Variants in TRIM9 observed in about 807,000 individuals in gnomAD.
TRIM9 encodes the protein E3 ubiquitin-protein ligase TRIM9.
TRIM9 carries 26 observed loss-of-function variants against 78.3 expected under a neutral mutation model. The observed-to-expected ratio is 0.33, with a 90% CI of 0.24 to 0.46. The LOEUF (loss-of-function observed/expected upper bound fraction) is 0.46. TRIM9 is among the 20% of genes least tolerant of loss of function. TRIM9 has a pLI of 1.00. For synonymous variants in TRIM9, 398 were observed against 416.5 expected (o/e 0.96, Z 0.54); for missense variants, 787 against 1,036.4 (o/e 0.76, Z 3.30).
rs11845592 is a variant in TRIM9, at chr14:50,992,848, A to G, written c.1603+5202T>C. Among the ~76,000 whole-genome samples the G allele has an allele frequency of 9.3e-3, 1,419 of 152,330 alleles. 21 individuals are homozygous for G. Among genetic ancestry groups the G allele is most frequent in the African/African-American group, 0.033 (1,359 of 41,566 alleles). On this transcript the variant is annotated intron_variant, in intron 7 of 12. Coordinates refer to ENST00000684578, the MANE Select transcript of TRIM9 (RefSeq NM_001387360.1). ...CATTGTCTAGGCCCACTTTTTAGAAAGCAGTTTTTAAGATGTAGTTTCAAG... is the reference window on the plus strand; with the variant it reads ...CATTGTCTAGGCCCACTTTTTAGAAGGCAGTTTTTAAGATGTAGTTTCAAG...
intron 3 of TRIM9, among the ~76,000 whole-genome samples, chr14:51,011,983 T>C: frequency 6.6e-6 from 1 of 152,230 alleles, no homozygotes; most frequent in East Asian, 1.9e-4. Context: ...TCTCTTATTA[T>C]TGGGCATTAA....
At chr14:50,992,643 C>A (rs1390261252) in intron 7 of TRIM9, among the ~76,000 whole-genome samples, 1 of 152,070 alleles carries the variant, frequency 6.6e-6, no homozygotes, top group Non-Finnish European at 1.5e-5. Context: ...TGGACAGATG[C>A]ATCTGAGGCC....
At chr14:51,029,521 G>A (rs2058549239) in intron 1 of TRIM9, among the ~76,000 whole-genome samples, 1 of 152,218 alleles carries the variant, frequency 6.6e-6, no homozygotes, top group African/African-American at 2.4e-5. Flanking sequence ...CCGCCAAGGA[G>A]AATAACAGTT....
intron 1 of TRIM9, among the ~76,000 whole-genome samples, chr14:51,049,412 A>C (rs2060211582): frequency 6.6e-6 from 1 of 152,218 alleles, no homozygotes; most frequent in African/African-American, 2.4e-5. Context: ...TTTCAGGCAC[A>C]TCTACTACAG....
At chr14:51,039,305 T>TTG (rs2059403249) in intron 1 of TRIM9, among the ~76,000 whole-genome samples, 1 of 152,222 alleles carries the variant, frequency 6.6e-6, no homozygotes, top group Admixed American at 6.5e-5. Flanking sequence ...CAACTCTATG[T>TTG]GATAGCATAT....
chr14:50,982,269 A>G lies in TRIM9; in HGVS notation c.1859-166T>C, dbSNP rs138724439. 1.2e-3 allele frequency: 880 copies of G among 708,314 alleles called. 8 individuals are homozygous for G. The African/African-American group carries it at 0.013, about 10-fold the overall frequency. The allele number at this position is 708,314 out of a possible 1,614,324, so 43.9% of individuals were successfully genotyped here. On this transcript the variant is annotated intron_variant, in intron 10 of 12. Transcript: ENST00000684578. Reference sequence around the variant, plus strand: ...ACAGGGGCACGTCCTGGGAGTTGGTACTCTCTGCACCAGAAGCAGACGGAG... The same window carrying G: ...ACAGGGGCACGTCCTGGGAGTTGGTGCTCTCTGCACCAGAAGCAGACGGAG...
At chr14:50,982,191 G>C in intron 10 of TRIM9, 88 bp from the exon 11 acceptor site, 2 of 1,486,586 alleles carry the variant, frequency 1.3e-6, no homozygotes. Flanking sequence ...GAGGAGCGTT[G>C]TGTAGCGTTT....
intron 8 of TRIM9, among the ~76,000 whole-genome samples, chr14:50,985,386 C>T (rs1180219774): frequency 6.6e-6 from 1 of 152,240 alleles, no homozygotes; most frequent in African/African-American, 2.4e-5. Context: ...TAGCAGTGAG[C>T]ACAGGCTTTT....
At chr14:51,079,581 A>T (rs1025965992) in intron 1 of TRIM9, among the ~76,000 whole-genome samples, 1 of 152,212 alleles carries the variant, frequency 6.6e-6, no homozygotes, top group African/African-American at 2.4e-5. Context: ...CAGGTTATTG[A>T]GCAAGTGCAT....
chr14:51,087,025 A>G (rs1296163919), intron 1 of TRIM9, among the ~76,000 whole-genome samples: 1 of 151,330 alleles, frequency 6.6e-6, no homozygotes, highest in African/African-American at 2.4e-5. Context: ...GGGTGGGGGG[A>G]GGTGGCGGGC....
Position 50,981,989 on chromosome 14 carries a change from C to A in TRIM9, c.1973G>T (p.Gly658Val). 2.5e-6 allele frequency: 4 copies of A among 1,614,168 alleles called. No homozygotes were observed. The highest frequency in any genetic ancestry group is 3.4e-6 in the Non-Finnish European group (4 of 1,180,016). ...CCAGTAGTGGATGCCCTTGGAGAAG[C>A]CAGTCTTCCCTAGCACCACCCGGTC... is the stretch of plus-strand genomic sequence containing the variant. ...YDDRVVLGKT[G>V]FSKGIHYWEL... Residue 658 changes from glycine to valine, a missense_variant, in exon 11 of 13, where the codon GGC (glycine) becomes GTC (valine). By Grantham distance (109) the Gly-to-Val change is moderately radical (BLOSUM62 -3). Coordinates refer to ENST00000684578, the MANE Select transcript of TRIM9 (RefSeq NM_001387360.1).
In TRIM9 at chr14:51,011,872, A is replaced by T. The variant is rs546251739; in HGVS notation, c.1042-1378T>A. ...GACAATTTTACCTTCCCTTTCCCCC[A>T]ACTTAATACTGTATCACAGGCAGTT... is the stretch of plus-strand genomic sequence containing the variant. On this transcript the variant is annotated intron_variant, in intron 3 of 12. Transcript: ENST00000684578. 4.6e-5 allele frequency among the ~76,000 whole-genome samples: 7 copies of T among 152,270 alleles called. No homozygotes were observed. In the South Asian group the frequency reaches 1.5e-3, roughly 32 times the overall value.
At position 51,094,444 on chromosome 14, in the gene TRIM9, G is replaced by C; in HGVS notation, c.496C>G (p.Leu166Val). 3.1e-6 allele frequency: 5 copies of C among 1,613,938 alleles called. No individual in the cohort carries two copies. The highest frequency in any genetic ancestry group is 1.1e-5 in the South Asian group (1 of 91,070). Residue 166 changes from leucine (L) to valine (V), a missense_variant, in exon 1 of 13, where the codon CTC becomes GTC. Physicochemically the swap from Leu to Val is conservative, Grantham distance 32. Transcript: ENST00000684578. ...GCCTTCTCGCAGAGCTGGCACTTGA[G>C]GGCCGCGGCTTTGCTCTGCTGGTAG... ...DRYQQSKAAALKCQLCEKAPK... is the reference protein window; with the variant it reads ...DRYQQSKAAAVKCQLCEKAPK...
At chr14:51,022,799 G>C (rs746322616) in intron 3 of TRIM9, 36 bp downstream of exon 3, 7 of 1,611,992 alleles carry the variant, frequency 4.3e-6, no homozygotes, top group South Asian at 1.1e-5. Flanking sequence ...AGCCTGGCTT[G>C]TTGGCTTTCT....
chr14:51,069,952 TCATGGTCATTCAC>T (rs2062070974), intron 1 of TRIM9, among the ~76,000 whole-genome samples: 1 of 152,240 alleles, frequency 6.6e-6, no homozygotes, highest in Non-Finnish European at 1.5e-5. Flanking sequence ...CACAGCACTT[TCATGGTCATTCAC>T]AGAATGGCTA....
chr14:50,982,305 C>T (rs1438987772), intron 10 of TRIM9: 3 of 610,726 alleles, frequency 4.9e-6, no homozygotes, highest in South Asian at 2.0e-5. Context: ...GACACACGAC[C>T]GATTCAGCAG....
At chr14:51,083,498 C>A (rs1201180335) in intron 1 of TRIM9, among the ~76,000 whole-genome samples, 1 of 152,130 alleles carries the variant, frequency 6.6e-6, no homozygotes, top group African/African-American at 2.4e-5. Flanking sequence ...CCGCCTCAGC[C>A]TCCCAAAGCA....
intron 1 of TRIM9, among the ~76,000 whole-genome samples, chr14:51,062,248 T>C (rs1333955000): frequency 6.6e-6 from 1 of 152,340 alleles, no homozygotes; most frequent in African/African-American, 2.4e-5. Flanking sequence ...CTATATTTAT[T>C]TTGAAATGCC....
chr14:50,983,531 C>G, intron 8 of TRIM9, 110 bp from the exon 9 acceptor site: 1 of 695,838 alleles, frequency 1.4e-6, no homozygotes, highest in South Asian at 3.6e-5. Flanking sequence ...GAGGCCTGAT[C>G]CATGAAAAAA....
Sources: gnomAD v4.1 joint callset for allele counts (sites outside exome capture counted in the v4.1 genomes callset) on GRCh38, gnomAD v4.1.1 for gene constraint, MANE v1.5 for transcripts, NCBI Gene and HGNC (gene_info 2026-07-23, HGNC 2026-07-21) for gene names.